SH3PXD2A: variants seen among roughly 807,000 people sequenced by gnomAD.
SH3PXD2A encodes the protein SH3 and PX domains 2A.
SH3PXD2A carries 32 observed loss-of-function variants against 115.2 expected under a neutral mutation model. The observed-to-expected ratio is 0.28, with a 90% CI of 0.21 to 0.37. The LOEUF is 0.37. SH3PXD2A is among the 10% of genes least tolerant of loss of function. The pLI is 1.00. For missense variants in SH3PXD2A, 1,328 were observed against 1,498.7 expected, an observed-to-expected ratio of 0.89 and a Z score of 1.88; for synonymous variants, 610 against 629.1, an observed-to-expected ratio of 0.97 and a Z score of 0.45.
intron 4 of SH3PXD2A, among the ~76,000 whole-genome samples, chr10:103,726,391 C>T (rs564480181): frequency 5.9e-5 from 9 of 152,286 alleles, no homozygotes; most frequent in African/African-American, 2.2e-4. Flanking sequence ...CATCCCCATA[C>T]TACGGGTGAG....
intron 3 of SH3PXD2A, chr10:103,755,141 G>A (rs553572743): frequency 3.3e-5 from 5 of 152,296 alleles, no homozygotes; most frequent in African/African-American, 1.2e-4. Context: ...ACAAGGCTGT[G>A]GGACCGCACT....
chr10:103,692,391 G>C (rs921272387), intron 6 of SH3PXD2A, among the ~76,000 whole-genome samples: 1 of 151,762 alleles, frequency 6.6e-6, no homozygotes, highest in Non-Finnish European at 1.5e-5. Context: ...GGGGGGCGGG[G>C]AGGGGGTTGG....
intron 1 of SH3PXD2A, among the ~76,000 whole-genome samples, chr10:103,830,737 A>G (rs1301135863): frequency 6.6e-6 from 1 of 152,240 alleles, no homozygotes; most frequent in African/African-American, 2.4e-5. Context: ...ACCAAACAAA[A>G]TCAATAGCAT....
At chr10:103,834,473 A>G (rs1199819244) in intron 1 of SH3PXD2A, among the ~76,000 whole-genome samples, 1 of 152,238 alleles carries the variant, frequency 6.6e-6, no homozygotes, top group Non-Finnish European at 1.5e-5. Flanking sequence ...TTTGGTGGAC[A>G]TGAAAATGTT....
At chr10:103,797,365 T>G (rs2039102124) in intron 2 of SH3PXD2A, among the ~76,000 whole-genome samples, 2 of 152,054 alleles carry the variant, frequency 1.3e-5, no homozygotes, top group African/African-American at 2.4e-5. Context: ...TCAGAAAGCG[T>G]GGAATGAGCA....
At chr10:103,676,020 CAA>C (rs1356617737) in intron 6 of SH3PXD2A, among the ~76,000 whole-genome samples, 67 of 151,542 alleles carry the variant, frequency 4.4e-4, no homozygotes, top group African/African-American at 1.5e-3. Flanking sequence ...GCCTGGGCAA[CAA>C]GAGCGAAACT....
intron 5 of SH3PXD2A, among the ~76,000 whole-genome samples, chr10:103,696,964 A>ACTCCATCC (rs2037832355): frequency 2.0e-5 from 3 of 151,852 alleles, no homozygotes; most frequent in Non-Finnish European, 1.5e-5. Context: ...TCCAACCAGC[A>ACTCCATCC]CTCCATCCCT....
At position 103,769,194 on chromosome 10, in the gene SH3PXD2A, G is replaced by A. The variant is rs150503367; in HGVS notation, c.154-2025C>T. Among the ~76,000 whole-genome samples the A allele has an allele frequency of 9.4e-3, 1,404 of 149,460 alleles. 10 individuals carry two copies. The highest frequency in any genetic ancestry group is 0.013 in the Non-Finnish European group (866 of 67,644). On this transcript the variant is annotated intron_variant, in intron 2 of 14. Coordinates refer to ENST00000369774, the MANE Select transcript of SH3PXD2A (RefSeq NM_001394015.1). ...TGTGTGTGTGTGTGCGCGCGCGCGC[G>A]CATTTATTTCCATCCATCCATCCGT...
chr10:103,831,769 CA>C (rs1211194607), intron 1 of SH3PXD2A, among the ~76,000 whole-genome samples: 1 of 152,148 alleles, frequency 6.6e-6, no homozygotes, highest in Non-Finnish European at 1.5e-5. Flanking sequence ...AGAACATTTT[CA>C]ACACCCCAAA....
intron 7 of SH3PXD2A, chr10:103,661,656 T>C (rs1357621542): frequency 3.0e-6 from 3 of 984,918 alleles, no homozygotes; most frequent in Admixed American, 1.2e-4. Flanking sequence ...AAGGCAGCCC[T>C]GCTCCCTCGG....
At chr10:103,642,050 T>C (rs893855805) in intron 8 of SH3PXD2A, among the ~76,000 whole-genome samples, 1 of 152,100 alleles carries the variant, frequency 6.6e-6, no homozygotes, top group Non-Finnish European at 1.5e-5. Context: ...AAGTTCAAAA[T>C]GTACTTAATA....
intron 5 of SH3PXD2A, among the ~76,000 whole-genome samples, chr10:103,708,874 T>TC (rs1281212519): frequency 6.6e-6 from 1 of 151,858 alleles, no homozygotes; most frequent in African/African-American, 2.4e-5. Context: ...ATAATGCATG[T>TC]CCCCCATCCA....
At position 103,655,475 on chromosome 10, in the gene SH3PXD2A, C is replaced by A. The variant is rs73333349; in HGVS notation, c.604+5508G>T. On this transcript the variant is annotated intron_variant, in intron 8 of 14. Coordinates refer to ENST00000369774, the MANE Select transcript of SH3PXD2A (RefSeq NM_001394015.1). ...AGATGTAGAAGATACACATAAAATC[C>A]GTTTAAGACAATGCAGGCTGGGCAT... is the stretch of plus-strand genomic sequence containing the variant. Among the ~76,000 whole-genome samples, 3 of 152,070 alleles carry A rather than the reference C, an allele frequency of 2.0e-5. No homozygotes were observed. The South Asian group carries it at 6.2e-4, about 32-fold the overall frequency.
rs2038498857 is a variant in SH3PXD2A, at chr10:103,746,040, A to C, written c.230-10232T>G. On this transcript the variant is annotated intron_variant, in intron 3 of 14. Transcript: ENST00000369774. This position sits in a 1 kb window ranked among gnomAD's most constrained non-coding sequence, Gnocchi z 4.4. ...CCTCCTGCAGCCACGGCTTGCTTGC[A>C]GAAAGCATCAGCGCACCTTGGAGGG... 6.6e-6 allele frequency: 1 copy of C among 152,294 alleles called. No homozygotes were observed. 9.4% of individuals were successfully genotyped at this position (152,294 alleles called of 1,614,324 possible).
chr10:103,602,348 A>G lies in SH3PXD2A; in HGVS notation c.2870T>C (p.Phe957Ser). The change falls in exon 15 of 15, where the codon TTC becomes TCC. Residue 957 changes from phenylalanine to serine, a missense_variant. Physicochemically the swap from Phe to Ser is radical, Grantham distance 155 (BLOSUM62 -2). Around this residue, in one of 5 missense-constraint regions of SH3PXD2A, gnomAD observed 574 missense variants for 565.7 expected, o/e 1.01. Transcript: ENST00000369774. Reference protein sequence around the residue: ...PPIPSKPPGGFGKTSGTPAVK... With the variant: ...PPIPSKPPGGSGKTSGTPAVK... ...CGCTGGAGTGCCTGAGGTCTTGCCGAAGCCCCCGGGAGGTTTGGAGGGGAT... is the reference window on the plus strand; with the variant it reads ...CGCTGGAGTGCCTGAGGTCTTGCCGGAGCCCCCGGGAGGTTTGGAGGGGAT... 2 of 1,613,518 alleles carry G rather than the reference A, an allele frequency of 1.2e-6. No individual in the cohort carries two copies. Among genetic ancestry groups the G allele is most frequent in the Non-Finnish European group, 1.7e-6 (2 of 1,179,806 alleles).
chr10:103,661,198 G>A (rs1190272795), intron 7 of SH3PXD2A, 84 bp from the exon 8 acceptor site: 2 of 1,492,084 alleles, frequency 1.3e-6, no homozygotes, highest in Non-Finnish European at 9.0e-7. Context: ...CGGCCTCCTC[G>A]GGGGTGGCTG....
At chr10:103,708,488 C>T (rs964575837) in intron 5 of SH3PXD2A, among the ~76,000 whole-genome samples, 2 of 152,264 alleles carry the variant, frequency 1.3e-5, no homozygotes, top group African/African-American at 2.4e-5. Context: ...CAGCTCCCTC[C>T]GGCTATGTCT....
Position 103,603,634 on chromosome 10 carries a change from G to T in SH3PXD2A, c.1584C>A (p.Pro528=), listed in dbSNP as rs1329019848. ...TRPKVPPPAP[P]SKPKEAEEGP... ...CCTCCTCGGCCTCCTTGGGCTTGCT[G>T]GGGGGTGCTGGCGGGGGCACCTTGG... Residue 528 remains proline (P), a synonymous_variant, in exon 15 of 15, where the codon CCC becomes CCA. Transcript: ENST00000369774. 6.2e-7 allele frequency: 1 copy of T among 1,603,018 alleles called. No individual in the cohort carries two copies.
At chr10:103,798,836 C>G (rs114861944) in intron 2 of SH3PXD2A, among the ~76,000 whole-genome samples, 15 of 152,318 alleles carry the variant, frequency 9.8e-5, no homozygotes, top group African/African-American at 3.6e-4. Flanking sequence ...GCACAGGGAG[C>G]TCACCACAGA....
Sources: allele counts gnomAD v4.1 joint callset (sites outside exome capture counted in the v4.1 genomes callset), GRCh38; gene constraint gnomAD v4.1.1; regional missense constraint gnomAD v4.1.1; non-coding constraint Gnocchi (gnomAD v3.1); transcripts MANE v1.5; gene names NCBI Gene and HGNC (gene_info 2026-07-23, HGNC 2026-07-21).